SDK1: variants seen among roughly 807,000 people sequenced by gnomAD.
SDK1 encodes protein sidekick-1.
SDK1 carries 157 observed loss-of-function variants against 245.5 expected under a neutral mutation model. That is an observed-to-expected ratio of 0.64 (90% CI 0.56 to 0.73). The LOEUF is 0.73. Among genes scored for constraint, SDK1 ranks in the 30% least tolerant of loss-of-function variants. The pLI is 0.00. For synonymous variants in SDK1, 1,647 were observed against 1,278.5 expected (o/e 1.29, Z -6.15); for missense variants, 3,583 against 3,002.3 (o/e 1.19, Z -4.52).
At position 3,619,207 on chromosome 7, in the gene SDK1, C is replaced by T; in HGVS notation, c.426C>T (p.Asp142=). 6.2e-7 allele frequency: 1 copy of T among 1,613,148 alleles called. No homozygotes were observed. ...WPLEFKWMRD[D]SELTTYSSEY... Reference sequence around the variant, plus strand: ...TGGAGTTCAAGTGGATGCGCGATGACAGTGAGCTCACCACCTACAGCAGCG... The same window carrying T: ...TGGAGTTCAAGTGGATGCGCGATGATAGTGAGCTCACCACCTACAGCAGCG... Residue 142 remains aspartate (D), a synonymous_variant, in exon 2 of 45, where the codon GAC becomes GAT. Transcript: ENST00000404826.
chr7:4,214,699 C>T (rs1051632093), intron 38 of SDK1, among the ~76,000 whole-genome samples: 13 of 152,210 alleles, frequency 8.5e-5, no homozygotes, highest in African/African-American at 3.1e-4. Context: ...ACTTCGGATT[C>T]CTGCACATCA....
chr7:3,623,714 A>G (rs1416807050), intron 2 of SDK1, among the ~76,000 whole-genome samples: 1 of 152,232 alleles, frequency 6.6e-6, no homozygotes, highest in Non-Finnish European at 1.5e-5. Context: ...TTTGGAATGA[A>G]AAAATCTTTT....
intron 1 of SDK1, among the ~76,000 whole-genome samples, chr7:3,385,067 GT>G (rs1781577097): frequency 3.3e-5 from 5 of 152,108 alleles, no homozygotes; most frequent in African/African-American, 1.2e-4. Flanking sequence ...TGTCAGTACT[GT>G]TTCAATATTA....
At chr7:3,961,017 T>C (rs1015886318) in intron 8 of SDK1, among the ~76,000 whole-genome samples, 3 of 152,244 alleles carry the variant, frequency 2.0e-5, no homozygotes, top group Non-Finnish European at 4.4e-5. Context: ...TTTCAACAAA[T>C]GACAATCTTA....
chr7:4,174,880 C>T (rs564218252), intron 33 of SDK1, among the ~76,000 whole-genome samples: 3 of 152,326 alleles, frequency 2.0e-5, no homozygotes, highest in South Asian at 4.1e-4. Context: ...GACGGCTGCC[C>T]TGCCCGTTCC....
At chr7:3,671,089 G>A (rs1208623923) in intron 4 of SDK1, among the ~76,000 whole-genome samples, 1 of 152,152 alleles carries the variant, frequency 6.6e-6, no homozygotes, top group Non-Finnish European at 1.5e-5. Context: ...GGACCTCAAG[G>A]CGGGGGGTGT....
At chr7:3,514,288 C>G (rs1782668531) in intron 1 of SDK1, among the ~76,000 whole-genome samples, 1 of 152,146 alleles carries the variant, frequency 6.6e-6, no homozygotes, top group South Asian at 2.1e-4. Context: ...CCTGTTATTT[C>G]TTGGGTGTGT....
chr7:4,038,105 C>T (rs964950798), intron 17 of SDK1, among the ~76,000 whole-genome samples: 3 of 152,184 alleles, frequency 2.0e-5, no homozygotes, highest in African/African-American at 7.2e-5. Flanking sequence ...CAAGGTGACA[C>T]CCCTCCCATG....
Position 3,549,871 on chromosome 7 carries a change from T to A in SDK1, c.299-69209T>A, listed in dbSNP as rs1003776299. 2.0e-5 allele frequency among the ~76,000 whole-genome samples: 3 copies of A among 152,232 alleles called. No homozygotes were observed. The South Asian group carries it at 6.2e-4, about 32-fold the overall frequency. On this transcript the variant is annotated intron_variant, in intron 1 of 44. Transcript: ENST00000404826. ...TTCCCATAGGCATAGGCCGACTCTT[T>A]CCTTGAGCTAAAATTTAGCCAGAAA...
intron 25 of SDK1, among the ~76,000 whole-genome samples, chr7:4,123,531 C>A (rs1784199090): frequency 6.6e-6 from 1 of 152,160 alleles, no homozygotes; most frequent in Non-Finnish European, 1.5e-5. Flanking sequence ...GCACCAGGGA[C>A]TTGGGGCTGC....
At chr7:3,836,958 T>A (rs760531369) in intron 5 of SDK1, among the ~76,000 whole-genome samples, 3 of 152,122 alleles carry the variant, frequency 2.0e-5, no homozygotes, top group Non-Finnish European at 4.4e-5. Flanking sequence ...GTGGCCTCTC[T>A]GGGCATTGGG....
intron 14 of SDK1, among the ~76,000 whole-genome samples, chr7:4,005,371 G>A (rs1270706097): frequency 6.7e-6 from 1 of 148,920 alleles, no homozygotes; most frequent in Non-Finnish European, 1.5e-5. Context: ...TTCCGTTTCC[G>A]GGTAGTTTCT....
chr7:3,859,964 G>C (rs968401392), intron 5 of SDK1, among the ~76,000 whole-genome samples: 5 of 151,388 alleles, frequency 3.3e-5, no homozygotes, highest in Admixed American at 6.6e-5. Flanking sequence ...CTGTCGCCCA[G>C]GCTAGAGTGC....
In SDK1 at chr7:4,149,498, G is replaced by A. The variant is rs138961256; in HGVS notation, c.4625+35G>A. ...GAGCAGGAGCACCTCCCCGGGGAACGGGGCCCTGGCCGCCTCCAGCCAGCT... is the reference window on the plus strand; with the variant it reads ...GAGCAGGAGCACCTCCCCGGGGAACAGGGCCCTGGCCGCCTCCAGCCAGCT... On this transcript the variant is annotated intron_variant, in intron 30 of 44. Coordinates refer to ENST00000404826, the MANE Select transcript of SDK1 (RefSeq NM_152744.4). 4,646 of 1,378,000 alleles carry A rather than the reference G, an allele frequency of 3.4e-3. 36 individuals are homozygous for A. The highest frequency in any genetic ancestry group is 0.025 in the South Asian group (1,522 of 60,462). 85.4% of individuals were successfully genotyped at this position (1,378,000 alleles called of 1,614,324 possible).
rs957487104 is a variant in SDK1 at position 3,794,456 on chromosome 7, G to A, written c.714-26994G>A. ...ATGTGGAAACCTAATCCCCAATGTG[G>A]CAGTATTGATATGTGGGGCTCTTAA... On this transcript the variant is annotated intron_variant, in intron 4 of 44. Transcript: ENST00000404826. Among the ~76,000 whole-genome samples, 13 of 152,292 alleles carry A rather than the reference G, an allele frequency of 8.5e-5. No individual in the cohort carries two copies. In the South Asian group the frequency reaches 2.7e-3, roughly 32 times the overall value.
chr7:4,190,512 G>C (rs894448628), intron 35 of SDK1, among the ~76,000 whole-genome samples: 2 of 152,250 alleles, frequency 1.3e-5, no homozygotes, highest in African/African-American at 4.8e-5. Flanking sequence ...GCTCCAGCTC[G>C]TGTTGTTTCA....
intron 4 of SDK1, among the ~76,000 whole-genome samples, chr7:3,767,399 C>A (rs1460342675): frequency 6.6e-6 from 1 of 152,118 alleles, no homozygotes. Flanking sequence ...GCCGAGTGGT[C>A]CTGAAAGCCC....
At chr7:3,457,840 T>G (rs1780718453) in intron 1 of SDK1, among the ~76,000 whole-genome samples, 2 of 152,186 alleles carry the variant, frequency 1.3e-5, no homozygotes, top group African/African-American at 4.8e-5. Context: ...TCTCTCTTTC[T>G]GGTTTTACTT....
intron 35 of SDK1, among the ~76,000 whole-genome samples, chr7:4,190,257 C>G (rs932991816): frequency 6.6e-6 from 1 of 152,218 alleles, no homozygotes; most frequent in Non-Finnish European, 1.5e-5. Flanking sequence ...GTGCAAACCA[C>G]AGGCCGCCCC....
Sources: gnomAD v4.1 joint callset for allele counts (sites outside exome capture counted in the v4.1 genomes callset) on GRCh38, gnomAD v4.1.1 for gene constraint, MANE v1.5 for transcripts, NCBI Gene and HGNC (gene_info 2026-07-23, HGNC 2026-07-21) for gene names.